FBXW4: variants seen among roughly 807,000 people sequenced by gnomAD.
FBXW4 encodes F-box/WD repeat-containing protein 4.
FBXW4 carries 40 observed loss-of-function variants against 61.8 expected under a neutral mutation model. The ratio of observed to expected loss-of-function variants is 0.65; its 90% confidence interval spans 0.50 to 0.84. The LOEUF is 0.84. Ranked by LOEUF, FBXW4 falls within the 40% of genes least tolerant of loss-of-function variation. FBXW4 has a pLI of 0.00. For synonymous variants in FBXW4, 311 were observed against 313.8 expected, an observed-to-expected ratio of 0.99 and a Z score of 0.10; for missense variants, 672 against 753.8, an observed-to-expected ratio of 0.89 and a Z score of 1.27.
intron 6 of FBXW4, among the ~76,000 whole-genome samples, chr10:101,620,954 C>T (rs187281202): frequency 6.6e-6 from 1 of 152,246 alleles, no homozygotes; most frequent in East Asian, 1.9e-4. Context: ...CCAAGGCAAC[C>T]ATAGGCAGAA....
At chr10:101,651,212 C>T (rs2064142973) in intron 5 of FBXW4, among the ~76,000 whole-genome samples, 2 of 152,042 alleles carry the variant, frequency 1.3e-5, no homozygotes, top group Admixed American at 6.5e-5. Context: ...GCTCTGTGAG[C>T]GGTGGGAAGG....
At chr10:101,653,161 T>C (rs11191074) in intron 5 of FBXW4, among the ~76,000 whole-genome samples, 7 of 152,318 alleles carry the variant, frequency 4.6e-5, no homozygotes, top group East Asian at 3.9e-4. Context: ...TGTGCAGTCA[T>C]GTCTGACTAC....
Position 101,611,997 on chromosome 10 carries a change from TTC to T in FBXW4, c.1443-230_1443-229del, listed in dbSNP as rs1344319054. 6.6e-6 allele frequency among the ~76,000 whole-genome samples: 1 copy of T among 152,256 alleles called. No individual in the cohort carries two copies. Among genetic ancestry groups the T allele is most frequent in the Non-Finnish European group, 1.5e-5 (1 of 68,038 alleles). On this transcript the variant is annotated intron_variant, in intron 7 of 8. Coordinates refer to ENST00000331272, the MANE Select transcript of FBXW4 (RefSeq NM_022039.4). This position sits in a 1 kb window ranked among gnomAD's most constrained non-coding sequence, Gnocchi z 4.9. ...ACGACACAGCAGATTATGCCTGCACTTCTGTTTTCACATGGCCAGCTACTTGT... is the reference window on the plus strand; with the variant it reads ...ACGACACAGCAGATTATGCCTGCACTTGTTTTCACATGGCCAGCTACTTGT...
intron 2 of FBXW4, among the ~76,000 whole-genome samples, chr10:101,675,008 C>T (rs1181280434): frequency 6.6e-6 from 1 of 152,240 alleles, no homozygotes; most frequent in African/African-American, 2.4e-5. Context: ...ATTCCCAAGC[C>T]TGTCTGAGTA....
At chr10:101,654,119 TAAA>T (rs60568785) in intron 5 of FBXW4, among the ~76,000 whole-genome samples, 2 of 118,306 alleles carry the variant, frequency 1.7e-5, no homozygotes, top group African/African-American at 6.4e-5. Flanking sequence ...GACTCCGTCT[TAAA>T]AAAAAAAAAA....
intron 5 of FBXW4, among the ~76,000 whole-genome samples, chr10:101,658,792 A>C (rs1307200997): frequency 6.6e-6 from 1 of 152,096 alleles, no homozygotes; most frequent in Non-Finnish European, 1.5e-5. Context: ...CCCAGCCCCT[A>C]GTCTACTTAC....
intron 1 of FBXW4, among the ~76,000 whole-genome samples, chr10:101,684,853 G>A (rs1286211603): frequency 6.6e-6 from 1 of 152,072 alleles, no homozygotes; most frequent in Non-Finnish European, 1.5e-5. Context: ...TTTGGCCAAG[G>A]AACAGAGAAT....
chr10:101,694,353 G>A lies in FBXW4; in HGVS notation c.725+28C>T. On this transcript the variant is annotated intron_variant, in intron 1 of 8. Coordinates refer to ENST00000331272, the MANE Select transcript of FBXW4 (RefSeq NM_022039.4). This position sits in a 1 kb window ranked among gnomAD's most constrained non-coding sequence, Gnocchi z 6.0. ...CGGGACGCGGGGCCGGCTCGGGGCG[G>A]GGAGCGGGCGGGCGAGCGGACGCTT... 5 of 1,353,152 alleles carry A rather than the reference G, an allele frequency of 3.7e-6. No homozygotes were observed. The South Asian group carries it at 5.5e-5, about 15-fold the overall frequency. The allele number at this position is 1,353,152 out of a possible 1,614,324, so 83.8% of individuals were successfully genotyped here. A position where few individuals can be genotyped will look rare whatever the true frequency, so the allele number is the denominator to read the frequency against.
intron 4 of FBXW4, 30 bp from the exon 5 acceptor site, chr10:101,668,010 G>C: frequency 1.9e-6 from 3 of 1,564,554 alleles, no homozygotes; most frequent in Non-Finnish European, 2.6e-6. Context: ...TGCTCTCGTT[G>C]GCATTGCCTG....
At chr10:101,633,919 A>C (rs1252629063) in intron 5 of FBXW4, among the ~76,000 whole-genome samples, 1 of 152,066 alleles carries the variant, frequency 6.6e-6, no homozygotes, top group Non-Finnish European at 1.5e-5. Flanking sequence ...AGCCTGGTCC[A>C]ACATGGTGAA....
chr10:101,640,157 C>G (rs1324145825), intron 5 of FBXW4, among the ~76,000 whole-genome samples: 1 of 152,228 alleles, frequency 6.6e-6, no homozygotes, highest in Non-Finnish European at 1.5e-5. Context: ...ACCACACAGG[C>G]TGGCCTGGAA....
chr10:101,631,539 G>A (rs1205888018), intron 5 of FBXW4, among the ~76,000 whole-genome samples: 1 of 152,034 alleles, frequency 6.6e-6, no homozygotes, highest in East Asian at 1.9e-4. Context: ...AGAATGATAA[G>A]CAATTCTTTC....
intron 1 of FBXW4, among the ~76,000 whole-genome samples, chr10:101,686,892 G>T (rs1393933825): frequency 6.6e-6 from 1 of 151,816 alleles, no homozygotes; most frequent in Non-Finnish European, 1.5e-5. Flanking sequence ...CTCACTTCTG[G>T]AGGGGACAAA....
At chr10:101,614,887 G>A (rs2063814204) in intron 6 of FBXW4, among the ~76,000 whole-genome samples, 2 of 152,026 alleles carry the variant, frequency 1.3e-5, no homozygotes, top group South Asian at 2.1e-4. Flanking sequence ...AAATGGCACC[G>A]TGGGCCCTTC....
At chr10:101,622,013 TG>T (rs1447345952) in intron 6 of FBXW4, among the ~76,000 whole-genome samples, 2 of 152,180 alleles carry the variant, frequency 1.3e-5, no homozygotes, top group Non-Finnish European at 2.9e-5. Flanking sequence ...AATGGTTGTT[TG>T]GGGAAGTAGG....
intron 6 of FBXW4, among the ~76,000 whole-genome samples, chr10:101,621,089 G>C (rs936111371): frequency 3.3e-5 from 5 of 152,182 alleles, no homozygotes; most frequent in Non-Finnish European, 2.9e-5. Flanking sequence ...ACAAGGCCCA[G>C]CTATGTAACC....
intron 1 of FBXW4, 43 bp from the exon 2 acceptor site, chr10:101,676,479 T>G: frequency 6.6e-7 from 1 of 1,526,332 alleles, no homozygotes; most frequent in Non-Finnish European, 9.0e-7. Context: ...TACAACTTAT[T>G]GCCAACCACA....
At chr10:101,644,414 G>A (rs2064079346) in intron 5 of FBXW4, among the ~76,000 whole-genome samples, 1 of 152,174 alleles carries the variant, frequency 6.6e-6, no homozygotes, top group African/African-American at 2.4e-5. Flanking sequence ...AGCTTTCTGG[G>A]AAGTGGAGAC....
chr10:101,668,790 C>T (rs965090520), intron 4 of FBXW4, among the ~76,000 whole-genome samples: 1 of 152,144 alleles, frequency 6.6e-6, no homozygotes, highest in African/African-American at 2.4e-5. Flanking sequence ...GGGCTCCCCC[C>T]TCACTTCACC....
Sources: gnomAD v4.1 joint callset for allele counts (sites outside exome capture counted in the v4.1 genomes callset) on GRCh38, gnomAD v4.1.1 for gene constraint, Gnocchi (gnomAD v3.1) non-coding constraint, MANE v1.5 for transcripts, NCBI Gene and HGNC (gene_info 2026-07-23, HGNC 2026-07-21) for gene names.